MAP1A: variants seen among roughly 807,000 people sequenced by gnomAD.
The protein encoded by MAP1A is microtubule associated protein 1A, also known as microtubule-associated protein 1A.
A neutral mutation model predicts 185.9 loss-of-function variants in MAP1A; 42 were observed. That is an observed-to-expected ratio of 0.23 (90% CI 0.18 to 0.29). The LOEUF (loss-of-function observed/expected upper bound fraction) is 0.29. MAP1A is among the 10% of genes least tolerant of loss of function. The pLI is 1.00. For missense variants in MAP1A, 2,995 were observed against 3,450.4 expected (o/e 0.87, Z 3.31); for synonymous variants, 1,229 against 1,335.9 (o/e 0.92, Z 1.74).
intron 1 of MAP1A, chr15:43,512,134 T>C: frequency 1.0e-6 from 1 of 999,966 alleles, no homozygotes. Context: ...TCCTGCAGTC[T>C]CACCACCCTA....
rs534750386 is a variant in MAP1A at position 43,526,479 on chromosome 15, C to T, written c.5006C>T (p.Pro1669Leu). The change falls in exon 4 of 6, where the codon CCG becomes CTG. Residue 1669 changes from proline (P) to leucine (L), a missense_variant. Pro to Leu is a moderately conservative substitution (Grantham distance 98). Transcript: ENST00000300231. The surrounding 1 kb of genome is among the most constrained non-coding windows in gnomAD (Gnocchi z 4.7). ...EPAGEQKELA[P>L]AWEDTSPEQD... ...GCTGGAGAACAGAAAGAGCTTGCCC[C>T]GGCATGGGAGGACACATCTCCTGAG... 11 of 1,614,028 alleles carry T rather than the reference C, an allele frequency of 6.8e-6. No homozygotes were observed. Among genetic ancestry groups the T allele is most frequent in the African/African-American group, 5.3e-5 (4 of 74,996 alleles).
chr15:43,511,029 C>T, exon 1 of MAP1A: 1 of 1,548,334 alleles, frequency 6.5e-7, no homozygotes, highest in Non-Finnish European at 8.7e-7. Context: ...CACGGCGTTG[C>T]CATGGAGACA....
Position 43,527,740 on chromosome 15 carries a change from G to A in MAP1A, c.6267G>A (p.Arg2089=). The A allele has an allele frequency of 6.2e-7, 1 of 1,613,522 alleles. No individual in the cohort carries two copies. The highest frequency in any genetic ancestry group is 1.3e-5 in the African/African-American group (1 of 74,874). Residue 2089 remains arginine, a synonymous_variant, in exon 4 of 6, where the codon AGG becomes AGA. Transcript: ENST00000300231. ...TCCTGAGCTGCAGCCCAGATAGGAG[G>A]TCCCCATCCCCCAAGGAATCAGGCC... is the stretch of plus-strand genomic sequence containing the variant. ...GNILSCSPDR[R]SPSPKESGRS... is the part of the protein sequence containing the mutation.
Position 43,527,948 on chromosome 15 carries a change from C to A in MAP1A, c.6475C>A (p.Pro2159Thr), listed in dbSNP as rs1206529078. 1 of 1,614,132 alleles carries A rather than the reference C, an allele frequency of 6.2e-7. No homozygotes were observed. Among genetic ancestry groups the A allele is most frequent in the South Asian group, 1.1e-5 (1 of 91,084 alleles). The change falls in exon 4 of 6, where the codon CCC becomes ACC. Residue 2159 changes from proline to threonine, a missense_variant. Pro to Thr is a conservative substitution (Grantham distance 38). Coordinates refer to ENST00000300231, the MANE Select transcript of MAP1A (RefSeq NM_002373.6). ...GGACTCACACCTGGGGCCTGCCCGA[C>A]CCAGTCTGGACTTCCCTGCTTCAGC... ...PLDSHLGPAR[P>T]SLDFPASAFG...
chr15:43,519,956 G>A (rs769385469), intron 1 of MAP1A, among the ~76,000 whole-genome samples: 1 of 152,220 alleles, frequency 6.6e-6, no homozygotes, highest in Non-Finnish European at 1.5e-5. Flanking sequence ...GAAAACTTCC[G>A]AGCAGGAACA....
At position 43,524,976 on chromosome 15, in the gene MAP1A, C is replaced by T. The variant is rs1354830917; in HGVS notation, c.3503C>T (p.Pro1168Leu). The T allele has an allele frequency of 6.2e-7, 1 of 1,614,172 alleles. No homozygotes were observed. Reference sequence around the variant, plus strand: ...TCCCCAGACACTGCCAACCAAGAGCCTACCCCCAAGTCTCCCTGTGGCCTG... The same window carrying T: ...TCCCCAGACACTGCCAACCAAGAGCTTACCCCCAAGTCTCCCTGTGGCCTG... ...VPSPDTANQE[P>L]TPKSPCGLTE... Residue 1168 changes from proline (P) to leucine (L), a missense_variant, in exon 4 of 6, where the codon CCT (proline) becomes CTT (leucine). Pro to Leu is a moderately conservative substitution (Grantham distance 98). Coordinates refer to ENST00000300231, the MANE Select transcript of MAP1A (RefSeq NM_002373.6).
rs765045970 is a variant in MAP1A at position 43,527,600 on chromosome 15, G to A, written c.6127G>A (p.Val2043Ile). 6.2e-6 allele frequency: 10 copies of A among 1,613,902 alleles called. No individual in the cohort carries two copies. The African/African-American group carries it at 1.2e-4, about 19-fold the overall frequency. The change falls in exon 4 of 6, where the codon GTA (valine) becomes ATA (isoleucine). Residue 2043 changes from valine to isoleucine, a missense_variant. By Grantham distance (29) the Val-to-Ile change is conservative. Transcript: ENST00000300231. ...FSYAALAGPTVPPRPEPGPSM... is the reference protein window; with the variant it reads ...FSYAALAGPTIPPRPEPGPSM... ...CTATGCAGCCCTGGCAGGACCCACT[G>A]TACCCCCAAGGCCAGAGCCAGGGCC... is the stretch of plus-strand genomic sequence containing the variant.
chr15:43,523,526 A>T lies in MAP1A; in HGVS notation c.2053A>T (p.Met685Leu). The T allele has an allele frequency of 6.2e-7, 1 of 1,614,186 alleles. No individual in the cohort carries two copies. Among genetic ancestry groups the T allele is most frequent in the East Asian group, 2.2e-5 (1 of 44,878 alleles). ...TKAEGFYQKH[M>L]QEPLKVTPRS... ...AGCTGAGGGTTTTTACCAAAAACAT[A>T]TGCAGGAACCCTTGAAGGTAACTCC... Residue 685 changes from methionine (M) to leucine (L), a missense_variant, in exon 4 of 6, where the codon ATG becomes TTG. Met to Leu is a conservative substitution (Grantham distance 15, BLOSUM62 2). Around this residue, in one of 3 missense-constraint regions of MAP1A, gnomAD observed 2,728 missense variants for 2,986.0 expected, o/e 0.91. Coordinates refer to ENST00000300231, the MANE Select transcript of MAP1A (RefSeq NM_002373.6).
rs1333326763 is a variant in MAP1A, at chr15:43,524,487, C to A, written c.3014C>A (p.Ala1005Asp). ...ASPPPSGPPS[A>D]THTPFHQSPV... ...CCTCCACCATCTGGCCCACCCAGTG[C>A]CACCCACACACCCTTTCATCAGTCC... The change falls in exon 4 of 6, where the codon GCC (alanine) becomes GAC (aspartate). Residue 1005 changes from alanine to aspartate, a missense_variant. Physicochemically the swap from Ala to Asp is moderately radical, Grantham distance 126 (BLOSUM62 -2). Around this residue, in one of 3 missense-constraint regions of MAP1A, gnomAD observed 2,728 missense variants for 2,986.0 expected, o/e 0.91. Transcript: ENST00000300231. 6.2e-7 allele frequency: 1 copy of A among 1,614,138 alleles called. No homozygotes were observed. Among genetic ancestry groups the A allele is most frequent in the East Asian group, 2.2e-5 (1 of 44,882 alleles).
rs1425433701 is a variant in MAP1A at position 43,524,465 on chromosome 15, C to T, written c.2992C>T (p.Pro998Ser). Residue 998 changes from proline to serine, a missense_variant, in exon 4 of 6, where the codon CCA becomes TCA. Coordinates refer to ENST00000300231, the MANE Select transcript of MAP1A (RefSeq NM_002373.6). ...DDSTVKMASP[P>S]PSGPPSATHT... ...CAGCACAGTGAAGATGGCTTCTCCTCCACCATCTGGCCCACCCAGTGCCAC... is the reference window on the plus strand; with the variant it reads ...CAGCACAGTGAAGATGGCTTCTCCTTCACCATCTGGCCCACCCAGTGCCAC... 2 of 1,614,064 alleles carry T rather than the reference C, an allele frequency of 1.2e-6. No individual in the cohort carries two copies. Among genetic ancestry groups the T allele is most frequent in the Admixed American group, 3.3e-5 (2 of 60,002 alleles).
chr15:43,519,869 A>G (rs1222755827), intron 1 of MAP1A, among the ~76,000 whole-genome samples: 2 of 152,192 alleles, frequency 1.3e-5, no homozygotes, highest in African/African-American at 4.8e-5. Flanking sequence ...ACTGTTCACA[A>G]TGAATAGGTT....
intron 2 of MAP1A, 45 bp from the exon 3 acceptor site, chr15:43,520,927 C>T (rs1239802373): frequency 6.5e-7 from 1 of 1,529,260 alleles, no homozygotes; most frequent in Non-Finnish European, 8.8e-7. Flanking sequence ...ATTGCCTTTC[C>T]CTGGATTTCC....
Position 43,521,186 on chromosome 15 carries a change from A to C in MAP1A, c.-151+74A>C. The C allele has an allele frequency of 6.7e-7, 1 of 1,490,844 alleles. No individual in the cohort carries two copies. The highest frequency in any genetic ancestry group is 8.9e-7 in the Non-Finnish European group (1 of 1,122,966). 92.4% of individuals were successfully genotyped at this position (1,490,844 alleles called of 1,614,324 possible). ...TGGGAGGGATCTAAGGGAAAGTCTC[A>C]TATTGCATGACCATGGGGGGCCCTG... On this transcript the variant is annotated intron_variant, in intron 3 of 5. Transcript: ENST00000300231. The surrounding 1 kb of genome is among the most constrained non-coding windows in gnomAD (Gnocchi z 4.6).
chr15:43,527,746 A>T lies in MAP1A; in HGVS notation c.6273A>T (p.Pro2091=). 1 of 1,612,004 alleles carries T rather than the reference A, an allele frequency of 6.2e-7. No homozygotes were observed. Among genetic ancestry groups the T allele is most frequent in the Non-Finnish European group, 8.5e-7 (1 of 1,179,542 alleles). ...ILSCSPDRRS[P]SPKESGRSHW... ...GCTGCAGCCCAGATAGGAGGTCCCC[A>T]TCCCCCAAGGAATCAGGCCGGAGTC... Residue 2091 remains proline (P), a synonymous_variant, in exon 4 of 6, where the codon CCA becomes CCT. Coordinates refer to ENST00000300231, the MANE Select transcript of MAP1A (RefSeq NM_002373.6).
In MAP1A at chr15:43,517,680, G is replaced by T; in HGVS notation, c.-395G>T. On this transcript the variant is annotated 5_prime_UTR_variant, in exon 1 of 6. The change creates a new upstream start codon in the 5' untranslated region. Coordinates refer to ENST00000300231, the MANE Select transcript of MAP1A (RefSeq NM_002373.6). ...GGCCGGAGCTGCCGCCTCCATGAGA[G>T]GCTTCCTCCTACACCCCAGGGTAAG... is the stretch of plus-strand genomic sequence containing the variant. 1 of 984,112 alleles carries T rather than the reference G, an allele frequency of 1.0e-6. No homozygotes were observed. Among genetic ancestry groups the T allele is most frequent in the Non-Finnish European group, 1.2e-6 (1 of 829,526 alleles). The allele number at this position is 984,112 out of a possible 1,614,324, so 61.0% of individuals were successfully genotyped here.
Position 43,528,576 on chromosome 15 carries a change from A to AC in MAP1A, c.7109dup (p.Gly2371ArgfsTer8). The AC allele has an allele frequency of 6.2e-7, 1 of 1,613,036 alleles. No individual in the cohort carries two copies. On this transcript the variant is annotated frameshift_variant, in exon 4 of 6. Transcript: ENST00000300231. LOFTEE classifies it high-confidence loss of function. ...AATGGCCCAACTGAAACCAGCCCTA[A>AC]CCCCCCAGGCCCTGCCCCAGCCAAG... is the stretch of plus-strand genomic sequence containing the variant.
rs775550046 is a variant in MAP1A, at chr15:43,528,373, CTGG to C, written c.6901_6903del (p.Trp2301del). 4 of 1,614,014 alleles carry C rather than the reference CTGG, an allele frequency of 2.5e-6. No homozygotes were observed. The Admixed American group carries it at 6.7e-5, about 27-fold the overall frequency. ...GAATGGAACCAGCTGCCCACAGCCT[CTGG>C]GACCTCACTCCTCTGAGCCCAGCAC... is the stretch of plus-strand genomic sequence containing the variant. On this transcript the variant is annotated inframe_deletion, in exon 4 of 6. Coordinates refer to ENST00000300231, the MANE Select transcript of MAP1A (RefSeq NM_002373.6).
chr15:43,521,927 G>C lies in MAP1A; in HGVS notation c.454G>C (p.Ala152Pro). The change falls in exon 4 of 6, where the codon GCC (alanine) becomes CCC (proline). Residue 152 changes from alanine (A) to proline (P), a missense_variant. Around this residue, in one of 3 missense-constraint regions of MAP1A, gnomAD observed 264 missense variants for 435.3 expected, o/e 0.61. Transcript: ENST00000300231. The surrounding 1 kb of genome is among the most constrained non-coding windows in gnomAD (Gnocchi z 4.6). ...GCGGCTTCCTGATGCCTCCCGGAAAGCCAAGCGTAGCATTGAGGAGGCCTG... is the reference window on the plus strand; with the variant it reads ...GCGGCTTCCTGATGCCTCCCGGAAACCCAAGCGTAGCATTGAGGAGGCCTG... ...KLRLPDASRK[A>P]KRSIEEACLT... The C allele has an allele frequency of 1.2e-6, 2 of 1,614,166 alleles. No individual in the cohort carries two copies. The highest frequency in any genetic ancestry group is 1.7e-6 in the Non-Finnish European group (2 of 1,180,038).
In MAP1A at chr15:43,525,634, C is replaced by T; in HGVS notation, c.4161C>T (p.Ile1387=). 1.2e-6 allele frequency: 2 copies of T among 1,614,202 alleles called. No homozygotes were observed. Among genetic ancestry groups the T allele is most frequent in the South Asian group, 1.1e-5 (1 of 91,084 alleles). ...KEVVEPKDTA[I]YQKDEALHVK... is the part of the protein sequence containing the mutation. Reference sequence around the variant, plus strand: ...TGGTAGAGCCGAAGGATACAGCCATCTATCAGAAAGATGAGGCTCTGCATG... The same window carrying T: ...TGGTAGAGCCGAAGGATACAGCCATTTATCAGAAAGATGAGGCTCTGCATG... The change falls in exon 4 of 6, where the codon ATC becomes ATT. Residue 1387 remains isoleucine, a synonymous_variant. Transcript: ENST00000300231.
Sources: gnomAD v4.1 joint callset for allele counts (sites outside exome capture counted in the v4.1 genomes callset) on GRCh38, gnomAD v4.1.1 for gene constraint, gnomAD v4.1.1 regional missense constraint, Gnocchi (gnomAD v3.1) non-coding constraint, MANE v1.5 for transcripts, NCBI Gene and HGNC (gene_info 2026-07-23, HGNC 2026-07-21) for gene names.